NRG2: variants seen among roughly 807,000 people sequenced by gnomAD.
The protein encoded by NRG2 is pro-neuregulin-2, membrane-bound isoform.
In NRG2, 27 loss-of-function variants were observed where a neutral mutation model predicts 73.9. That is an observed-to-expected ratio of 0.37 (90% CI 0.27 to 0.50). The LOEUF is 0.50. Among genes scored for constraint, NRG2 ranks in the 20% least tolerant of loss-of-function variants. The probability of loss-of-function intolerance (pLI) is 0.96; values close to 1 mark genes in which losing one functional copy is unlikely to be tolerated. For synonymous variants in NRG2, 532 were observed against 541.0 expected (o/e 0.98, Z 0.23); for missense variants, 1,126 against 1,210.1 (o/e 0.93, Z 1.03).
intron 1 of NRG2, among the ~76,000 whole-genome samples, chr5:140,003,386 T>C (rs545303263): frequency 1.4e-4 from 21 of 152,234 alleles, no homozygotes; most frequent in Non-Finnish European, 2.2e-4. Flanking sequence ...TACTGGATTA[T>C]GTGAGTGGCC....
At chr5:139,967,742 G>A (rs1755645155) in intron 1 of NRG2, among the ~76,000 whole-genome samples, 1 of 152,070 alleles carries the variant, frequency 6.6e-6, no homozygotes, top group Admixed American at 6.5e-5. Context: ...GGGAGGCCGA[G>A]GCGGGTGGGA....
rs1368901094 is a variant in NRG2 at position 140,042,717 on chromosome 5, T to C, written c.353A>G (p.Lys118Arg). 1.9e-6 allele frequency: 3 copies of C among 1,572,330 alleles called. No homozygotes were observed. The highest frequency in any genetic ancestry group is 1.7e-6 in the Non-Finnish European group (2 of 1,159,442). The change falls in exon 1 of 10, where the codon AAG becomes AGG. Residue 118 changes from lysine to arginine, a missense_variant. Around this residue, in one of 3 missense-constraint regions of NRG2, gnomAD observed 539 missense variants for 703.2 expected, o/e 0.77. Coordinates refer to ENST00000361474, the MANE Select transcript of NRG2 (RefSeq NM_004883.3). ...VSLACYSPSL[K>R]SVQDQAYKAP... The stretch of plus-strand genomic sequence containing the variant: ...CTTGTACGCCTGGTCCTGCACTGAC[T>C]TGAGGCTGGGCGAGTAGCAGGCGAG...
chr5:139,889,092 C>T (rs1316113023), intron 1 of NRG2, among the ~76,000 whole-genome samples: 3 of 152,090 alleles, frequency 2.0e-5, no homozygotes, highest in Non-Finnish European at 2.9e-5. Flanking sequence ...ACAGATATTA[C>T]TTGACAAGAG....
intron 1 of NRG2, among the ~76,000 whole-genome samples, chr5:139,965,855 G>A (rs1755469168): frequency 6.6e-6 from 1 of 152,220 alleles, no homozygotes; most frequent in Non-Finnish European, 1.5e-5. Context: ...AGCCTTTGCA[G>A]AGGGAGAGGT....
chr5:139,983,934 A>G (rs1477446518), intron 1 of NRG2, among the ~76,000 whole-genome samples: 1 of 152,172 alleles, frequency 6.6e-6, no homozygotes, highest in Non-Finnish European at 1.5e-5. Context: ...AGAAATAGAC[A>G]CTAATTCAAC....
At chr5:139,985,052 G>A (rs1430176068) in intron 1 of NRG2, among the ~76,000 whole-genome samples, 1 of 152,198 alleles carries the variant, frequency 6.6e-6, no homozygotes, top group Non-Finnish European at 1.5e-5. Context: ...GATGGGAGAT[G>A]TAGATGAGTC....
At chr5:140,032,416 G>GA (rs895483324) in intron 1 of NRG2, among the ~76,000 whole-genome samples, 19 of 148,994 alleles carry the variant, frequency 1.3e-4, no homozygotes, top group South Asian at 4.2e-4. Flanking sequence ...ACTATTGAGA[G>GA]AAAAAAAAAA....
rs1479556796 is a variant in NRG2, at chr5:140,043,006, A to T, written c.64T>A (p.Tyr22Asn). 1.3e-6 allele frequency: 2 copies of T among 1,567,018 alleles called. No homozygotes were observed. Among genetic ancestry groups the T allele is most frequent in the South Asian group, 1.1e-5 (1 of 87,052 alleles). Residue 22 changes from tyrosine (Y) to asparagine (N), a missense_variant, in exon 1 of 10, where the codon TAC (tyrosine) becomes AAC (asparagine). Transcript: ENST00000361474. This position sits in a 1 kb window ranked among gnomAD's most constrained non-coding sequence, Gnocchi z 6.7. ...PPLEKGRCSS[Y>N]SDSSSSSSER... ...CTGCTGCTGCTGCTGCTGTCGCTGT[A>T]GCTGCTGCACCGACCCTTCTCCAGT...
At chr5:139,962,352 G>A (rs572887918) in intron 1 of NRG2, among the ~76,000 whole-genome samples, 1 of 152,350 alleles carries the variant, frequency 6.6e-6, no homozygotes, top group Non-Finnish European at 1.5e-5. Flanking sequence ...AGTGGGAGAA[G>A]GGTGATCAGA....
At chr5:140,035,544 T>C (rs1335880385) in intron 1 of NRG2, among the ~76,000 whole-genome samples, 1 of 152,238 alleles carries the variant, frequency 6.6e-6, no homozygotes, top group Non-Finnish European at 1.5e-5. Flanking sequence ...AAAAGAAAGT[T>C]ATTTTTGTAA....
intron 1 of NRG2, among the ~76,000 whole-genome samples, chr5:139,931,323 G>A (rs1436272421): frequency 6.6e-6 from 1 of 152,162 alleles, no homozygotes; most frequent in Non-Finnish European, 1.5e-5. Context: ...GTCCAGCACT[G>A]GATTATGGGA....
intron 1 of NRG2, among the ~76,000 whole-genome samples, chr5:139,908,389 G>T (rs1342789137): frequency 6.6e-6 from 1 of 152,164 alleles, no homozygotes; most frequent in Non-Finnish European, 1.5e-5. Flanking sequence ...TATGCGCCAG[G>T]CTCTGAACAT....
Position 140,029,687 on chromosome 5 carries a change from C to CAAAAAAA in NRG2, c.700+12676_700+12682dup, listed in dbSNP as rs34122778. 2.6e-4 allele frequency among the ~76,000 whole-genome samples: 16 copies of CAAAAAAA among 61,290 alleles called. 1 individual carries two copies. The highest frequency in any genetic ancestry group is 3.9e-4 in the Admixed American group (2 of 5,190). 40.2% of individuals were successfully genotyped at this position (61,290 alleles called of 152,430 possible). ...TGGGTGACAGAGCAAGACTCTGTCT[C>CAAAAAAA]AAAAAAAAAAAAAAAAGCTCCAGCG... On this transcript the variant is annotated intron_variant, in intron 1 of 9. Coordinates refer to ENST00000361474, the MANE Select transcript of NRG2 (RefSeq NM_004883.3).
chr5:139,939,912 AACCAGTGAGATACT>A (rs1248458997), intron 1 of NRG2, among the ~76,000 whole-genome samples: 1 of 152,204 alleles, frequency 6.6e-6, no homozygotes, highest in African/African-American at 2.4e-5. Context: ...ATGCAAATCA[AACCAGTGAGATACT>A]ACTATACACC....
intron 1 of NRG2, among the ~76,000 whole-genome samples, chr5:139,917,109 C>T (rs1437024388): frequency 6.8e-6 from 1 of 146,146 alleles, no homozygotes; most frequent in Non-Finnish European, 1.5e-5. Flanking sequence ...TTCTAGCTAT[C>T]CCAATGGATG....
intron 3 of NRG2, 37 bp from the exon 4 acceptor site, chr5:139,871,878 A>G (rs1762877018): frequency 6.2e-7 from 1 of 1,607,746 alleles, no homozygotes; most frequent in African/African-American, 1.3e-5. Flanking sequence ...TGACGCACTG[A>G]GACTATCCCT....
intron 1 of NRG2, among the ~76,000 whole-genome samples, chr5:139,989,589 C>T (rs1172879456): frequency 6.6e-6 from 1 of 151,690 alleles, no homozygotes; most frequent in African/African-American, 2.4e-5. Flanking sequence ...AAAAATATCC[C>T]GTGGCACGCA....
At position 139,986,130 on chromosome 5, in the gene NRG2, C is replaced by T. The variant is rs532996269; in HGVS notation, c.700+56240G>A. Among the ~76,000 whole-genome samples the T allele has an allele frequency of 3.9e-4, 60 of 152,352 alleles. 2 individuals carry two copies. The South Asian group carries it at 0.011, about 28-fold the overall frequency. On this transcript the variant is annotated intron_variant, in intron 1 of 9. Coordinates refer to ENST00000361474, the MANE Select transcript of NRG2 (RefSeq NM_004883.3). Reference sequence around the variant, plus strand: ...CGTCACTCCAAGCAATCCCTTCTTGCATCTCCAAAATGCTCAGGAGAAACT... The same window carrying T: ...CGTCACTCCAAGCAATCCCTTCTTGTATCTCCAAAATGCTCAGGAGAAACT...
At chr5:139,956,110 A>C (rs1754605972) in intron 1 of NRG2, among the ~76,000 whole-genome samples, 3 of 152,136 alleles carry the variant, frequency 2.0e-5, no homozygotes, top group Admixed American at 1.3e-4. Flanking sequence ...CAAGAAAGAA[A>C]ATAAACAAAT....
Sources: gnomAD v4.1 joint callset for allele counts (sites outside exome capture counted in the v4.1 genomes callset) on GRCh38, gnomAD v4.1.1 for gene constraint, gnomAD v4.1.1 regional missense constraint, Gnocchi (gnomAD v3.1) non-coding constraint, MANE v1.5 for transcripts, NCBI Gene and HGNC (gene_info 2026-07-23, HGNC 2026-07-21) for gene names.